BANK1: variants seen among roughly 807,000 people sequenced by gnomAD.
BANK1 encodes the protein B-cell scaffold protein with ankyrin repeats.
A neutral mutation model predicts 94.5 loss-of-function variants in BANK1; 95 were observed. The observed-to-expected ratio is 1.00, with a 90% CI of 0.85 to 1.19. The LOEUF (loss-of-function observed/expected upper bound fraction) is 1.19, where lower values mean the gene tolerates loss of function less well. BANK1 is among the 50% of genes most tolerant of loss of function. The probability of loss-of-function intolerance (pLI) is 0.00; values close to 1 mark genes in which losing one functional copy is unlikely to be tolerated. For synonymous variants in BANK1, 334 were observed against 308.4 expected, an observed-to-expected ratio of 1.08 and a Z score of -0.87; for missense variants, 987 against 932.2, an observed-to-expected ratio of 1.06 and a Z score of -0.77.
Position 101,829,820 on chromosome 4 carries a change from A to C in BANK1, c.83A>C (p.Asp28Ala), listed in dbSNP as rs149847841. The change falls in exon 2 of 17, where the codon GAT becomes GCT. Residue 28 changes from aspartate (D) to alanine (A), a missense_variant. Transcript: ENST00000322953. ...CGPAPPGNTK[D>A]IIMIYEEDAE... The stretch of plus-strand genomic sequence containing the variant: ...TTTCTTTTTCCAGGAAATACAAAAG[A>C]TATAATAATGATATATGAAGAAGAT... 4.7e-5 allele frequency: 72 copies of C among 1,542,590 alleles called. No individual in the cohort carries two copies. In the African/African-American group the frequency reaches 9.7e-4, roughly 21 times the overall value.
rs557141260 is a variant in BANK1, at chr4:101,861,473, G to T, written c.625-1053G>T. ...TTATGACTTGAAGAAAGCTTTTGAA[G>T]GGTGATATCTAAGATAATCATAAAA... On this transcript the variant is annotated intron_variant, in intron 3 of 16. Coordinates refer to ENST00000322953, the MANE Select transcript of BANK1 (RefSeq NM_017935.5). 2.0e-5 allele frequency among the ~76,000 whole-genome samples: 3 copies of T among 152,022 alleles called. No homozygotes were observed. The East Asian group carries it at 5.8e-4, about 29-fold the overall frequency.
chr4:101,823,115 A>G (rs1191605795), intron 1 of BANK1, among the ~76,000 whole-genome samples: 1 of 152,096 alleles, frequency 6.6e-6, no homozygotes, highest in Non-Finnish European at 1.5e-5. Flanking sequence ...ATTTGCTGCA[A>G]TTGCTTCCTA....
At chr4:101,957,474 C>T (rs1369765662) in intron 7 of BANK1, among the ~76,000 whole-genome samples, 3 of 152,132 alleles carry the variant, frequency 2.0e-5, no homozygotes, top group Admixed American at 1.3e-4. Context: ...AGCCTTTTCT[C>T]GATTGAGTTC....
chr4:101,870,104 GTAAT>G (rs1728229886), intron 4 of BANK1, among the ~76,000 whole-genome samples: 1 of 151,786 alleles, frequency 6.6e-6, no homozygotes, highest in African/African-American at 2.4e-5. Context: ...ACACTTGCCT[GTAAT>G]TAATTAAATT....
chr4:102,051,396 C>G (rs748324337), intron 11 of BANK1, among the ~76,000 whole-genome samples: 3 of 152,066 alleles, frequency 2.0e-5, no homozygotes, highest in Non-Finnish European at 2.9e-5. Context: ...TGTAATAGCT[C>G]AGTTTTTGTC....
intron 7 of BANK1, among the ~76,000 whole-genome samples, chr4:101,966,575 T>C (rs1724767366): frequency 6.6e-6 from 1 of 152,084 alleles, no homozygotes; most frequent in Admixed American, 6.6e-5. Context: ...GACTTATGCC[T>C]TTTAATTCAA....
At chr4:102,012,645 T>C (rs1726548114) in intron 7 of BANK1, among the ~76,000 whole-genome samples, 1 of 152,184 alleles carries the variant, frequency 6.6e-6, no homozygotes, top group Admixed American at 6.5e-5. Flanking sequence ...TAGTATTATA[T>C]GTTTGCTTCT....
intron 13 of BANK1, among the ~76,000 whole-genome samples, chr4:102,067,191 T>A (rs1728622912): frequency 1.3e-5 from 2 of 151,998 alleles, no homozygotes; most frequent in Admixed American, 1.3e-4. Context: ...TAAAATAGAT[T>A]ATTAAAAAAC....
At chr4:101,929,944 C>T (rs777294448) in intron 7 of BANK1, among the ~76,000 whole-genome samples, 4 of 151,238 alleles carry the variant, frequency 2.6e-5, no homozygotes, top group Admixed American at 2.6e-4. Context: ...ATAAATAAAA[C>T]ATTCATTTAA....
intron 2 of BANK1, among the ~76,000 whole-genome samples, chr4:101,848,550 A>T (rs1727343395): frequency 6.6e-6 from 1 of 152,238 alleles, no homozygotes; most frequent in East Asian, 1.9e-4. Flanking sequence ...GAAAGGAAAG[A>T]TTAGGCACTA....
At chr4:101,818,151 A>G (rs2148857669) in intron 1 of BANK1, among the ~76,000 whole-genome samples, 1 of 152,334 alleles carries the variant, frequency 6.6e-6, no homozygotes, top group East Asian at 1.9e-4. Flanking sequence ...TATGGTCAGT[A>G]TTTATACAGA....
At chr4:102,023,923 T>C (rs1214885859) in intron 8 of BANK1, among the ~76,000 whole-genome samples, 1 of 152,198 alleles carries the variant, frequency 6.6e-6, no homozygotes, top group Non-Finnish European at 1.5e-5. Flanking sequence ...CTACTTCATT[T>C]CAGGCTTAGT....
intron 13 of BANK1, among the ~76,000 whole-genome samples, chr4:102,063,818 C>CA (rs1205075236): frequency 0.039 from 2,774 of 71,052 alleles, 60 homozygotes; most frequent in African/African-American, 0.1. Flanking sequence ...GACTCTATCT[C>CA]AAAAAAAAAA....
chr4:101,907,852 T>C (rs1472605602), intron 6 of BANK1, among the ~76,000 whole-genome samples: 15 of 152,166 alleles, frequency 9.9e-5, no homozygotes, highest in Non-Finnish European at 2.1e-4. Context: ...TTACAAGGGA[T>C]GTGAAGGACC....
intron 1 of BANK1, among the ~76,000 whole-genome samples, chr4:101,827,155 C>T (rs570712225): frequency 6.6e-6 from 1 of 151,748 alleles, no homozygotes. Flanking sequence ...AAAAAGAAAG[C>T]CATATATCTC....
chr4:101,890,591 A>G (rs57882795), intron 5 of BANK1, among the ~76,000 whole-genome samples: 4,530 of 148,170 alleles, frequency 0.031, 120 homozygotes, highest in African/African-American at 0.065. Context: ...TATTATAAAA[A>G]CCTGATTTTA....
chr4:102,003,702 TG>T (rs1172308431), intron 7 of BANK1, among the ~76,000 whole-genome samples: 1 of 152,092 alleles, frequency 6.6e-6, no homozygotes, highest in African/African-American at 2.4e-5. Flanking sequence ...TATTTGCTAT[TG>T]GTGGGAAGTA....
rs970560992 is a variant in BANK1 at position 102,074,765 on chromosome 4, T to TAAG, written c.*769_*771dup. 2.0e-5 allele frequency: 3 copies of TAAG among 152,068 alleles called. No individual in the cohort carries two copies. The highest frequency in any genetic ancestry group is 4.4e-5 in the Non-Finnish European group (3 of 67,926). 9.4% of individuals were successfully genotyped at this position (152,068 alleles called of 1,614,324 possible). A position where few individuals can be genotyped will look rare whatever the true frequency, so the allele number is the denominator to read the frequency against. ...TGTCTGAGTTTTTAAAGTAAATTTA[T>TAAG]AAGAATTAGCCAATAAAATTGCTTC... is the stretch of plus-strand genomic sequence containing the variant. On this transcript the variant is annotated 3_prime_UTR_variant, in exon 17 of 17. Transcript: ENST00000322953.
At chr4:101,854,544 G>A (rs1727609815) in intron 2 of BANK1, among the ~76,000 whole-genome samples, 1 of 151,520 alleles carries the variant, frequency 6.6e-6, no homozygotes, top group African/African-American at 2.4e-5. Context: ...TATTAAACCA[G>A]TATTTCCTAG....
Sources: gnomAD v4.1 joint callset for allele counts (sites outside exome capture counted in the v4.1 genomes callset) on GRCh38, gnomAD v4.1.1 for gene constraint, MANE v1.5 for transcripts, NCBI Gene and HGNC (gene_info 2026-07-23, HGNC 2026-07-21) for gene names.